The following ASTE1 variants were observed in gnomAD, a reference collection of about 807,000 sequenced individuals.
The protein encoded by ASTE1 is single-strand DNA endonuclease ASTE1.
A neutral mutation model predicts 45.8 loss-of-function variants in ASTE1; 49 were observed. The ratio of observed to expected loss-of-function variants is 1.07; its 90% CI spans 0.85 to 1.36. The LOEUF (loss-of-function observed/expected upper bound fraction) is 1.36. Among genes scored for constraint, ASTE1 ranks in the 40% most tolerant of loss-of-function variants. ASTE1 has a pLI of 0.00. For synonymous variants in ASTE1, 296 were observed against 303.9 expected (o/e 0.97, Z 0.27); for missense variants, 709 against 804.0 (o/e 0.88, Z 1.43).
chr3:131,016,667 A>T (rs2063644570), intron 4 of ASTE1: 1 of 349,250 alleles, frequency 2.9e-6, no homozygotes, highest in South Asian at 2.7e-5. Flanking sequence ...GAAAAATACA[A>T]ATGACTATTA....
In ASTE1 at chr3:131,024,552, C is replaced by T; in HGVS notation, c.755G>A (p.Arg252Lys). 6.2e-7 allele frequency: 1 copy of T among 1,614,076 alleles called. No homozygotes were observed. Among genetic ancestry groups the T allele is most frequent in the Non-Finnish European group, 8.5e-7 (1 of 1,180,020 alleles). The change falls in exon 3 of 6, where the codon AGA becomes AAA. Residue 252 changes from arginine (R) to lysine (K), a missense_variant. Physicochemically the swap from Arg to Lys is conservative, Grantham distance 26. Transcript: ENST00000264992. ...PLGATSSKGR[R>K]HHRILGLLNW... is the part of the protein sequence containing the mutation. ...CAGAAGTCCCAGGATTCGGTGGTGT[C>T]TCCTCCCTTTAGAACTGGTAGCTCC...
At chr3:131,019,628 AAAAG>A (rs1453737678) in intron 3 of ASTE1, among the ~76,000 whole-genome samples, 2 of 152,234 alleles carry the variant, frequency 1.3e-5, no homozygotes, top group Non-Finnish European at 2.9e-5. Context: ...AACTTTAAGA[AAAAG>A]AAAAGTTGTA....
intron 5 of ASTE1, chr3:131,015,309 G>C: frequency 1.5e-6 from 1 of 669,040 alleles, no homozygotes; most frequent in South Asian, 1.6e-5. Flanking sequence ...GTTTACATCT[G>C]AGTGGAGAGA....
Position 131,014,184 on chromosome 3 carries a change from G to C in ASTE1, c.1913C>G (p.Thr638Ser). The change falls in exon 6 of 6, where the codon ACC (threonine) becomes AGC (serine). Residue 638 changes from threonine to serine, a missense_variant. Thr to Ser is a moderately conservative substitution (Grantham distance 58). Transcript: ENST00000264992. ...SKKKRQKKQNTSCSKNRGRTT... is the reference protein window; with the variant it reads ...SKKKRQKKQNSSCSKNRGRTT... ...TCTCCCTCTGTTCTTAGAACAGCTG[G>C]TATTCTGTTTCTTCTGCCTTTTTTT... 2 of 1,612,830 alleles carry C rather than the reference G, an allele frequency of 1.2e-6. No individual in the cohort carries two copies. Among genetic ancestry groups the C allele is most frequent in the Non-Finnish European group, 1.7e-6 (2 of 1,179,770 alleles).
chr3:131,020,404 C>CAG (rs1272537104), intron 3 of ASTE1, among the ~76,000 whole-genome samples: 2 of 152,158 alleles, frequency 1.3e-5, no homozygotes, highest in South Asian at 2.1e-4. Flanking sequence ...CAGAGATGCC[C>CAG]AGAGAGAGAC....
chr3:131,016,644 A>C, intron 4 of ASTE1: 2 of 386,702 alleles, frequency 5.2e-6, no homozygotes, highest in South Asian at 2.6e-5. Flanking sequence ...CTAAACCCTA[A>C]ATCTGTGTCT....
In ASTE1 at chr3:131,013,909, T is replaced by A; in HGVS notation, c.*148A>T. The A allele has an allele frequency of 1.7e-6, 1 of 580,782 alleles. No homozygotes were observed. Among genetic ancestry groups the A allele is most frequent in the Non-Finnish European group, 2.9e-6 (1 of 343,906 alleles). The allele number at this position is 580,782 out of a possible 1,614,324, so 36.0% of individuals were successfully genotyped here. A position where few individuals can be genotyped will look rare whatever the true frequency, so the allele number is the denominator to read the frequency against. On this transcript the variant is annotated 3_prime_UTR_variant, in exon 6 of 6. Transcript: ENST00000264992. ...CAGGTTGTATTTATTAAAAACAAAA[T>A]ACAAAATAACTTGGAATTCAGATTA...
chr3:131,020,075 G>T (rs2063722518), intron 3 of ASTE1, among the ~76,000 whole-genome samples: 1 of 152,124 alleles, frequency 6.6e-6, no homozygotes, highest in Admixed American at 6.6e-5. Context: ...GAATTATAGA[G>T]CCAAGTTACA....
Position 131,024,532 on chromosome 3 carries a change from G to A in ASTE1, c.775C>T (p.Leu259Phe). The A allele has an allele frequency of 1.9e-6, 3 of 1,614,138 alleles. No homozygotes were observed. Among genetic ancestry groups the A allele is most frequent in the Non-Finnish European group, 2.5e-6 (3 of 1,180,034 alleles). The change falls in exon 3 of 6, where the codon CTT becomes TTT. Residue 259 changes from leucine (L) to phenylalanine (F), a missense_variant. Leu to Phe is a conservative substitution (Grantham distance 22). Coordinates refer to ENST00000264992, the MANE Select transcript of ASTE1 (RefSeq NM_014065.4). ...KGRRHHRILG[L>F]LNWLSHFANP... ...GCAAAATGAGACAACCAATTCAGAAGTCCCAGGATTCGGTGGTGTCTCCTC... is the reference window on the plus strand; with the variant it reads ...GCAAAATGAGACAACCAATTCAGAAATCCCAGGATTCGGTGGTGTCTCCTC...
Position 131,024,659 on chromosome 3 carries a change from A to T in ASTE1, c.648T>A (p.Pro216=), listed in dbSNP as rs1399195669. 6.3e-7 allele frequency: 1 copy of T among 1,593,284 alleles called. No homozygotes were observed. The highest frequency in any genetic ancestry group is 1.7e-5 in the Admixed American group (1 of 58,198). The change falls in exon 3 of 6, where the codon CCT becomes CCA. Residue 216 remains proline, a synonymous_variant. Transcript: ENST00000264992. ...HFSNMNKALL[P]LFAVLCGNDH... ...CATTTCCACATAGCACCGCAAAGAG[A>T]GGTAGTAGAGCTTTATTCATATTGC...
intron 3 of ASTE1, among the ~76,000 whole-genome samples, chr3:131,021,183 C>T (rs2063737905): frequency 6.6e-6 from 1 of 151,886 alleles, no homozygotes; most frequent in Admixed American, 6.6e-5. Flanking sequence ...AGACTATTCA[C>T]AATATGTTAT....
At position 131,018,530 on chromosome 3, in the gene ASTE1, AG is replaced by A. The variant is rs1560060049; in HGVS notation, c.1488del (p.Leu497Ter). ...CCAGGGCTGTTGATTATGGCAATCAAGGGCCCCACTAGCATTGTGAGCAGTA... is the reference window on the plus strand; with the variant it reads ...CCAGGGCTGTTGATTATGGCAATCAAGGCCCCACTAGCATTGTGAGCAGTA... ...QSLLLTMLVGPLIAIINSPGK... is the reference protein window; with the variant it reads ...QSLLLTMLVGXLIAIINSPGK... On this transcript the variant is annotated frameshift_variant, in exon 4 of 6. Coordinates refer to ENST00000264992, the MANE Select transcript of ASTE1 (RefSeq NM_014065.4). LOFTEE classifies it high-confidence loss of function. The A allele has an allele frequency of 6.2e-7, 1 of 1,614,046 alleles. No homozygotes were observed. The highest frequency in any genetic ancestry group is 8.5e-7 in the Non-Finnish European group (1 of 1,180,010).
At chr3:131,023,952 T>C in intron 3 of ASTE1, 53 bp downstream of exon 3, 1 of 1,502,166 alleles carries the variant, frequency 6.7e-7, no homozygotes. Context: ...AGACAGCACT[T>C]TGTATCCTGT....
In ASTE1 at chr3:131,020,821, C is replaced by G. The variant is rs2063732567; in HGVS notation, c.1303-2105G>C. Among the ~76,000 whole-genome samples, 3 of 152,136 alleles carry G rather than the reference C, an allele frequency of 2.0e-5. No individual in the cohort carries two copies. In the South Asian group the frequency reaches 6.2e-4, roughly 31 times the overall value. On this transcript the variant is annotated intron_variant, in intron 3 of 5. Transcript: ENST00000264992. ...GTGATAGCAGAGCGCAGAGAATGAA[C>G]TAAAATTTCACTCTATTTTGAATCC...
At chr3:131,021,370 A>G (rs1240919039) in intron 3 of ASTE1, among the ~76,000 whole-genome samples, 1 of 152,268 alleles carries the variant, frequency 6.6e-6, no homozygotes, top group Non-Finnish European at 1.5e-5. Flanking sequence ...ATATACCAAA[A>G]TAGAAAAATG....
Position 131,018,563 on chromosome 3 carries a change from G to A in ASTE1, c.1456C>T (p.Gln486Ter). 1.2e-5 allele frequency: 20 copies of A among 1,614,056 alleles called. No homozygotes were observed. Among genetic ancestry groups the A allele is most frequent in the Non-Finnish European group, 1.6e-5 (19 of 1,180,004 alleles). Residue 486 changes from glutamine (Q) to a stop codon, truncating the protein, a stop_gained, in exon 4 of 6, where the codon CAA (glutamine) becomes TAA (stop). Transcript: ENST00000264992. LOFTEE classifies it high-confidence loss of function. ...ACTAGCATTGTGAGCAGTAAGGATT[G>A]TAGATGATGTAGCTTTGCTTTGGTC... is the stretch of plus-strand genomic sequence containing the variant. ...TETKAKLHHL[Q>*]SLLLTMLVGP... is the part of the protein sequence containing the mutation.
chr3:131,025,369 A>C, intron 2 of ASTE1, 38 bp from the exon 3 acceptor site: 1 of 1,545,172 alleles, frequency 6.5e-7, no homozygotes, highest in Non-Finnish European at 8.7e-7. Flanking sequence ...AATTGATGCT[A>C]GTTATGGGGC....
intron 4 of ASTE1, among the ~76,000 whole-genome samples, chr3:131,017,210 ATTTGT>A (rs1259989059): frequency 6.6e-6 from 1 of 152,170 alleles, no homozygotes; most frequent in Non-Finnish European, 1.5e-5. Flanking sequence ...GACTTAACTG[ATTTGT>A]TTTGTGTTAA....
intron 3 of ASTE1, among the ~76,000 whole-genome samples, chr3:131,019,839 G>C (rs1237642010): frequency 6.6e-6 from 1 of 152,064 alleles, no homozygotes; most frequent in Non-Finnish European, 1.5e-5. Flanking sequence ...ACTTTAAATA[G>C]TACGATTATT....
Sources: allele counts gnomAD v4.1 joint callset (sites outside exome capture counted in the v4.1 genomes callset), GRCh38; gene constraint gnomAD v4.1.1; transcripts MANE v1.5; gene names NCBI Gene and HGNC (gene_info 2026-07-23, HGNC 2026-07-21).